Variants in ARFIP1 observed in about 807,000 individuals in gnomAD.
ARFIP1 encodes arfaptin-1.
Under a neutral mutation model 42.5 loss-of-function variants are expected in ARFIP1, and 24 were observed. The observed-to-expected ratio is 0.57, with a 90% confidence interval of 0.41 to 0.80. The LOEUF (loss-of-function observed/expected upper bound fraction) is 0.80, where lower values mean the gene tolerates loss of function less well. Ranked by LOEUF, ARFIP1 falls within the 30% of genes least tolerant of loss-of-function variation. The pLI, the probability that ARFIP1 is intolerant of heterozygous loss-of-function variation, is 0.00. For synonymous variants in ARFIP1, 141 were observed against 153.7 expected, an observed-to-expected ratio of 0.92 and a Z score of 0.61; for missense variants, 354 against 434.0, an observed-to-expected ratio of 0.82 and a Z score of 1.64.
chr4:152,858,064 G>A (rs1733582967), intron 2 of ARFIP1, among the ~76,000 whole-genome samples: 2 of 152,140 alleles, frequency 1.3e-5, no homozygotes, highest in Admixed American at 1.3e-4. Context: ...GGCTGAGACG[G>A]GCGAATCACT....
intron 2 of ARFIP1, among the ~76,000 whole-genome samples, chr4:152,859,128 A>G (rs1733672001): frequency 6.6e-6 from 1 of 152,086 alleles, no homozygotes; most frequent in Non-Finnish European, 1.5e-5. Context: ...AGTCGCACCA[A>G]TTGGCTCACT....
chr4:152,856,536 A>T (rs1398008569), intron 2 of ARFIP1, among the ~76,000 whole-genome samples: 3 of 152,224 alleles, frequency 2.0e-5, no homozygotes, highest in Admixed American at 6.5e-5. Context: ...AGTAATCTAG[A>T]GATTAAAGTA....
chr4:152,792,583 C>CT (rs1731203525), intron 1 of ARFIP1, among the ~76,000 whole-genome samples: 1 of 152,102 alleles, frequency 6.6e-6, no homozygotes, highest in Admixed American at 6.6e-5. Flanking sequence ...GCCACAGATC[C>CT]TTTATCATTA....
intron 1 of ARFIP1, among the ~76,000 whole-genome samples, chr4:152,828,948 A>G (rs1731051853): frequency 6.6e-6 from 1 of 152,192 alleles, no homozygotes; most frequent in African/African-American, 2.4e-5. Context: ...GATGTCCAGC[A>G]CCATTATTCC....
intron 5 of ARFIP1, among the ~76,000 whole-genome samples, chr4:152,879,807 C>G (rs1053612370): frequency 1.3e-5 from 2 of 152,120 alleles, no homozygotes; most frequent in Non-Finnish European, 2.9e-5. Context: ...TGAGGCTGCA[C>G]CATTGCACTC....
chr4:152,808,122 A>G (rs1447936663), intron 1 of ARFIP1, among the ~76,000 whole-genome samples: 4 of 151,936 alleles, frequency 2.6e-5, no homozygotes, highest in Non-Finnish European at 5.9e-5. Context: ...ATGGGATTAC[A>G]GGCATGCGCC....
At chr4:152,815,738 CTTTTTTT>C (rs1218298842) in intron 1 of ARFIP1, among the ~76,000 whole-genome samples, 2 of 85,548 alleles carry the variant, frequency 2.3e-5, no homozygotes, top group African/African-American at 4.4e-5. Flanking sequence ...CTGACCACTT[CTTTTTTT>C]TTTTTTTTTT....
At chr4:152,789,317 T>C (rs113270344) in intron 1 of ARFIP1, among the ~76,000 whole-genome samples, 57,551 of 151,560 alleles carry the variant, frequency 0.38, 11,988 homozygotes, top group Admixed American at 0.49. Flanking sequence ...CTTGAACTCC[T>C]GACCTCAGGT....
chr4:152,836,241 A>G (rs1366539522), intron 2 of ARFIP1, among the ~76,000 whole-genome samples: 1 of 152,210 alleles, frequency 6.6e-6, no homozygotes, highest in Non-Finnish European at 1.5e-5. Flanking sequence ...GTGATGTTTT[A>G]TATACTTGAA....
Position 152,882,538 on chromosome 4 carries a change from G to A in ARFIP1, c.634-185G>A, listed in dbSNP as rs755837363. Among the ~76,000 whole-genome samples the A allele has an allele frequency of 5.3e-5, 8 of 152,112 alleles. No individual in the cohort carries two copies. In the East Asian group the frequency reaches 5.8e-4, roughly 11 times the overall value. On this transcript the variant is annotated intron_variant, in intron 6 of 8. Transcript: ENST00000353617. ...AGCTGATGACAATTTTGGTTTATTA[G>A]ACTTTTTCAGTAATTATATGGCTAG...
intron 2 of ARFIP1, among the ~76,000 whole-genome samples, chr4:152,856,000 CT>C (rs1376651104): frequency 6.6e-6 from 1 of 152,132 alleles, no homozygotes; most frequent in Admixed American, 6.5e-5. Context: ...GATATCTACT[CT>C]TTTGGTTCTT....
At chr4:152,890,777 C>T (rs189010415) in intron 8 of ARFIP1, among the ~76,000 whole-genome samples, 1 of 152,216 alleles carries the variant, frequency 6.6e-6, no homozygotes, top group East Asian at 1.9e-4. Flanking sequence ...TTTGGATGAA[C>T]AGGGTCAGGG....
chr4:152,911,900 T>G lies in ARFIP1; in HGVS notation c.*1681T>G, dbSNP rs1214526427. ...AATTTTGTATTCTTATTAAACGTGT[T>G]TGCTGCAGTAAATCGTTTCTCTGGA... On this transcript the variant is annotated 3_prime_UTR_variant, in exon 9 of 9. Coordinates refer to ENST00000353617, the MANE Select transcript of ARFIP1 (RefSeq NM_001025595.3). 1 of 152,570 alleles carries G rather than the reference T, an allele frequency of 6.6e-6. No individual in the cohort carries two copies. The highest frequency in any genetic ancestry group is 1.5e-5 in the Non-Finnish European group (1 of 68,004). 9.5% of individuals were successfully genotyped at this position (152,570 alleles called of 1,614,324 possible).
At chr4:152,894,342 A>G (rs1428253330) in intron 8 of ARFIP1, among the ~76,000 whole-genome samples, 4 of 152,242 alleles carry the variant, frequency 2.6e-5, no homozygotes, top group Admixed American at 2.6e-4. Context: ...AGGAAAAAAT[A>G]TAAACCTCAG....
intron 8 of ARFIP1, among the ~76,000 whole-genome samples, chr4:152,888,885 T>A (rs1312608954): frequency 6.6e-6 from 1 of 152,120 alleles, no homozygotes; most frequent in Admixed American, 6.6e-5. Context: ...TAGGCTCCTG[T>A]GTTTTGGTTT....
intron 2 of ARFIP1, among the ~76,000 whole-genome samples, chr4:152,844,972 A>G (rs564169608): frequency 8.0e-4 from 122 of 152,362 alleles, no homozygotes; most frequent in African/African-American, 2.7e-3. Flanking sequence ...CTATAAGGCT[A>G]TAGTAACCAA....
At chr4:152,802,599 GGA>G (rs1728509582) in intron 1 of ARFIP1, among the ~76,000 whole-genome samples, 1 of 148,990 alleles carries the variant, frequency 6.7e-6, no homozygotes, top group Non-Finnish European at 1.5e-5. Context: ...GTGGTAAACT[GGA>G]TTAAAGAGCA....
At chr4:152,845,501 G>A (rs993063696) in intron 2 of ARFIP1, among the ~76,000 whole-genome samples, 2 of 151,874 alleles carry the variant, frequency 1.3e-5, no homozygotes, top group Admixed American at 1.3e-4. Flanking sequence ...TTAAACAATT[G>A]AACAAGCAAA....
chr4:152,857,561 A>G (rs1733544414), intron 2 of ARFIP1, among the ~76,000 whole-genome samples: 1 of 152,234 alleles, frequency 6.6e-6, no homozygotes. Flanking sequence ...GGTAATATAT[A>G]CACAGTTCTT....
Sources: gnomAD v4.1 joint callset for allele counts (sites outside exome capture counted in the v4.1 genomes callset) on GRCh38, gnomAD v4.1.1 for gene constraint, MANE v1.5 for transcripts, NCBI Gene and HGNC (gene_info 2026-07-23, HGNC 2026-07-21) for gene names.